The following TRAPPC9 variants were observed in gnomAD, a reference collection of about 807,000 sequenced individuals.
TRAPPC9 encodes trafficking protein particle complex subunit 9.
Under a neutral mutation model 124.0 loss-of-function variants are expected in TRAPPC9, and 83 were observed. The ratio of observed to expected loss-of-function variants is 0.67; its 90% CI spans 0.56 to 0.80. The LOEUF is 0.80. TRAPPC9 is among the 30% of genes least tolerant of loss of function. The probability of loss-of-function intolerance (pLI) is 0.00; values close to 1 mark genes in which losing one functional copy is unlikely to be tolerated. For missense variants in TRAPPC9, 1,302 were observed against 1,508.3 expected, an observed-to-expected ratio of 0.86 and a Z score of 2.27; for synonymous variants, 638 against 617.5, an observed-to-expected ratio of 1.03 and a Z score of -0.49.
chr8:140,350,277 T>G lies in TRAPPC9; in HGVS notation c.1495+9773A>C, dbSNP rs541800384. Among the ~76,000 whole-genome samples, 4 of 147,656 alleles carry G rather than the reference T, an allele frequency of 2.7e-5. No individual in the cohort carries two copies. In the East Asian group the frequency reaches 7.7e-4, roughly 29 times the overall value. The stretch of plus-strand genomic sequence containing the variant: ...TGTATTCAGCGACGTCTGCTGCCAC[T>G]TCCACCCTCCATCAAGGTGACTTTG... On this transcript the variant is annotated intron_variant, in intron 9 of 22. Transcript: ENST00000438773.
intron 21 of TRAPPC9, among the ~76,000 whole-genome samples, chr8:139,864,612 T>C (rs1828401455): frequency 6.6e-6 from 1 of 152,184 alleles, no homozygotes; most frequent in African/African-American, 2.4e-5. Flanking sequence ...TCCATCTCTG[T>C]AAATGACAGT....
At chr8:140,211,087 T>A (rs1456159575) in intron 17 of TRAPPC9, among the ~76,000 whole-genome samples, 1 of 152,180 alleles carries the variant, frequency 6.6e-6, no homozygotes, top group East Asian at 1.9e-4. Flanking sequence ...CATTTGCAAC[T>A]GTAATTATTA....
At chr8:139,731,874 T>C in intron 22 of TRAPPC9, 105 bp downstream of exon 22, 1 of 1,049,330 alleles carries the variant, frequency 9.5e-7, no homozygotes, top group Admixed American at 2.0e-5. Context: ...CCTGCTGCTA[T>C]CGTCTGCTGG....
chr8:140,049,583 C>G (rs1310802153), intron 17 of TRAPPC9, among the ~76,000 whole-genome samples: 1 of 151,770 alleles, frequency 6.6e-6, no homozygotes, highest in African/African-American at 2.4e-5. Context: ...CCCTGGCAAC[C>G]AGGGAAGTGA....
At chr8:140,377,228 A>T (rs573387409) in intron 7 of TRAPPC9, among the ~76,000 whole-genome samples, 1 of 152,298 alleles carries the variant, frequency 6.6e-6, no homozygotes, top group Admixed American at 6.5e-5. Context: ...TACTTTAAAG[A>T]TGATTTGAAC....
chr8:140,276,419 C>T (rs940678858), intron 14 of TRAPPC9, among the ~76,000 whole-genome samples: 3 of 152,148 alleles, frequency 2.0e-5, no homozygotes, highest in Non-Finnish European at 4.4e-5. Context: ...CTGTGGGGCT[C>T]CATCCTCACA....
At chr8:139,951,344 G>A (rs530345104) in intron 19 of TRAPPC9, among the ~76,000 whole-genome samples, 77 of 152,252 alleles carry the variant, frequency 5.1e-4, no homozygotes, top group Middle Eastern at 3.4e-3. Context: ...TCAAACCACT[G>A]AACAAAAACT....
At chr8:140,147,257 A>G (rs1318635346) in intron 17 of TRAPPC9, among the ~76,000 whole-genome samples, 1 of 152,246 alleles carries the variant, frequency 6.6e-6, no homozygotes, top group East Asian at 1.9e-4. Context: ...AAGTGCTGCC[A>G]TTGGCAAGAA....
intron 17 of TRAPPC9, among the ~76,000 whole-genome samples, chr8:140,163,543 T>G (rs1481877448): frequency 6.6e-6 from 1 of 152,170 alleles, no homozygotes; most frequent in Non-Finnish European, 1.5e-5. Context: ...AATGAATGAC[T>G]TTGGTGGGAA....
intron 21 of TRAPPC9, among the ~76,000 whole-genome samples, chr8:139,797,866 C>T (rs1480784096): frequency 6.6e-6 from 1 of 152,186 alleles, no homozygotes; most frequent in East Asian, 1.9e-4. Flanking sequence ...TACGTCCATC[C>T]TTATGCCAGC....
intron 17 of TRAPPC9, among the ~76,000 whole-genome samples, chr8:140,093,667 TA>T (rs35712232): frequency 0.64 from 88,522 of 137,610 alleles, 27,879 homozygotes; most frequent in Middle Eastern, 0.7. Context: ...GACTTCGTCT[TA>T]AAAAAAAAAA....
At chr8:139,757,277 A>G (rs1210653442) in intron 21 of TRAPPC9, among the ~76,000 whole-genome samples, 1 of 137,604 alleles carries the variant, frequency 7.3e-6, no homozygotes, top group Non-Finnish European at 1.5e-5. Flanking sequence ...AGGTTGCAGG[A>G]GGAGCCAGGG....
intron 18 of TRAPPC9, among the ~76,000 whole-genome samples, chr8:140,000,443 G>A (rs1191958382): frequency 1.1e-4 from 17 of 152,160 alleles, no homozygotes; most frequent in Non-Finnish European, 2.5e-4. Flanking sequence ...GAGTGAACAG[G>A]CAACCTACAG....
At position 139,732,000 on chromosome 8, in the gene TRAPPC9, G is replaced by C; in HGVS notation, c.3258C>G (p.Ser1086=). 10 of 1,590,774 alleles carry C rather than the reference G, an allele frequency of 6.3e-6. No individual in the cohort carries two copies. The highest frequency in any genetic ancestry group is 8.6e-6 in the Non-Finnish European group (10 of 1,168,372). Reference sequence around the variant, plus strand: ...GCACCGCGTCGAGGTAGAAGGTGCTGGAGCCCACGAAGGAGACGGTGTCGT... The same window carrying C: ...GCACCGCGTCGAGGTAGAAGGTGCTCGAGCCCACGAAGGAGACGGTGTCGT... ...DLHDTVSFVG[S]STFYLDAVQP... Residue 1086 remains serine (S), a synonymous_variant, in exon 22 of 23, where the codon TCC becomes TCG. Transcript: ENST00000438773.
At chr8:140,297,567 C>T (rs1000119938) in intron 11 of TRAPPC9, among the ~76,000 whole-genome samples, 12 of 152,168 alleles carry the variant, frequency 7.9e-5, no homozygotes, top group African/African-American at 2.9e-4. Context: ...TTATTTTCTT[C>T]TCATTCTAAC....
intron 19 of TRAPPC9, among the ~76,000 whole-genome samples, chr8:139,987,874 C>G (rs1837345367): frequency 6.6e-6 from 1 of 152,148 alleles, no homozygotes; most frequent in African/African-American, 2.4e-5. Flanking sequence ...CTGACCAGCT[C>G]TCACTTCCGC....
intron 17 of TRAPPC9, among the ~76,000 whole-genome samples, chr8:140,110,241 T>G: frequency 2.6e-5 from 1 of 37,980 alleles, no homozygotes; most frequent in East Asian, 8.5e-4. Context: ...CAGCTCCCCC[T>G]GTAGCAGCTC....
intron 17 of TRAPPC9, among the ~76,000 whole-genome samples, chr8:140,043,899 T>C (rs938895478): frequency 2.6e-5 from 4 of 152,092 alleles, no homozygotes; most frequent in Non-Finnish European, 2.9e-5. Context: ...GCCTGCCCCA[T>C]GGGTGTGGCC....
chr8:139,969,393 C>T (rs1835916269), intron 19 of TRAPPC9, among the ~76,000 whole-genome samples: 1 of 152,226 alleles, frequency 6.6e-6, no homozygotes. Context: ...GGCTTGGCTC[C>T]TGGAGAAAAC....
Sources: gnomAD v4.1 joint callset for allele counts (sites outside exome capture counted in the v4.1 genomes callset) on GRCh38, gnomAD v4.1.1 for gene constraint, MANE v1.5 for transcripts, NCBI Gene and HGNC (gene_info 2026-07-23, HGNC 2026-07-21) for gene names.